SLC2A13: variants seen among roughly 807,000 people sequenced by gnomAD.
SLC2A13 encodes solute carrier family 2 member 13.
Under a neutral mutation model 64.4 loss-of-function variants are expected in SLC2A13, and 32 were observed. That is an observed-to-expected ratio of 0.50 (90% CI 0.37 to 0.67). The LOEUF (loss-of-function observed/expected upper bound fraction) is 0.67, where lower values mean the gene tolerates loss of function less well. Among genes scored for constraint, SLC2A13 ranks in the 30% least tolerant of loss-of-function variants. The probability of loss-of-function intolerance (pLI) is 0.00; values close to 1 mark genes in which losing one functional copy is unlikely to be tolerated. For missense variants in SLC2A13, 743 were observed against 829.2 expected, an observed-to-expected ratio of 0.90 and a Z score of 1.28; for synonymous variants, 338 against 327.1, an observed-to-expected ratio of 1.03 and a Z score of -0.36.
At chr12:39,783,248 A>G (rs1941062524) in intron 7 of SLC2A13, among the ~76,000 whole-genome samples, 1 of 152,044 alleles carries the variant, frequency 6.6e-6, no homozygotes, top group Non-Finnish European at 1.5e-5. Context: ...TATGTGCCAC[A>G]TTTTCTTAAT....
At chr12:39,787,680 G>A (rs1472143515) in intron 7 of SLC2A13, among the ~76,000 whole-genome samples, 2 of 152,116 alleles carry the variant, frequency 1.3e-5, no homozygotes, top group East Asian at 3.9e-4. Flanking sequence ...TGTAACATTA[G>A]GATAAATTTT....
intron 4 of SLC2A13, among the ~76,000 whole-genome samples, chr12:39,931,189 A>G (rs1945820146): frequency 6.6e-6 from 1 of 152,220 alleles, no homozygotes. Context: ...ACTGATACAG[A>G]GAAACAATCT....
At chr12:40,098,919 G>A (rs756157939) in intron 1 of SLC2A13, among the ~76,000 whole-genome samples, 1 of 152,214 alleles carries the variant, frequency 6.6e-6, no homozygotes, top group East Asian at 1.9e-4. Context: ...TCCTCCCAGT[G>A]CAGCGGCAGG....
intron 7 of SLC2A13, among the ~76,000 whole-genome samples, chr12:39,827,967 T>G (rs181922879): frequency 1.3e-5 from 2 of 152,124 alleles, no homozygotes; most frequent in Non-Finnish European, 2.9e-5. Context: ...CTAGAGATAG[T>G]ATATCTCTAG....
chr12:40,094,030 T>C (rs902994565), intron 1 of SLC2A13, among the ~76,000 whole-genome samples: 4 of 151,984 alleles, frequency 2.6e-5, no homozygotes, highest in South Asian at 2.1e-4. Context: ...AAGTGAGAGA[T>C]GGGTGGCATT....
intron 1 of SLC2A13, among the ~76,000 whole-genome samples, chr12:40,084,648 AT>A (rs960541887): frequency 7.9e-5 from 12 of 151,566 alleles, no homozygotes; most frequent in Admixed American, 2.0e-4. Context: ...TTACAGCTTC[AT>A]TTTTTTTTAA....
intron 3 of SLC2A13, among the ~76,000 whole-genome samples, chr12:39,978,738 G>T (rs1484571458): frequency 2.6e-5 from 4 of 152,202 alleles, no homozygotes; most frequent in African/African-American, 7.2e-5. Context: ...CGGCAGCAAG[G>T]CTGGGGGAGA....
At chr12:40,061,764 A>C (rs1267279687) in intron 1 of SLC2A13, among the ~76,000 whole-genome samples, 2 of 151,994 alleles carry the variant, frequency 1.3e-5, no homozygotes, top group Admixed American at 1.3e-4. Context: ...TACAGTTGAC[A>C]TCAAAACCCA....
At chr12:39,980,873 T>A (rs1372971792) in intron 3 of SLC2A13, among the ~76,000 whole-genome samples, 2 of 151,636 alleles carry the variant, frequency 1.3e-5, no homozygotes, top group Non-Finnish European at 3.0e-5. Context: ...GAATATACAT[T>A]TTTTTCAGCA....
intron 1 of SLC2A13, among the ~76,000 whole-genome samples, chr12:40,098,435 C>G (rs1259306581): frequency 6.6e-6 from 1 of 152,184 alleles, no homozygotes; most frequent in African/African-American, 2.4e-5. Context: ...GTGAATATAC[C>G]TAACAATACT....
At chr12:39,889,529 CTTT>C (rs56189217) in intron 4 of SLC2A13, among the ~76,000 whole-genome samples, 19 of 119,852 alleles carry the variant, frequency 1.6e-4, no homozygotes, top group Admixed American at 7.7e-4. Flanking sequence ...GGTAAACAAC[CTTT>C]TTTTTTTTTT....
chr12:39,906,998 A>C (rs1945303351), intron 4 of SLC2A13, among the ~76,000 whole-genome samples: 1 of 152,166 alleles, frequency 6.6e-6, no homozygotes, highest in Non-Finnish European at 1.5e-5. Context: ...GATTTTTTCC[A>C]GTGTATATAG....
At chr12:40,038,489 C>A (rs1264408066) in intron 2 of SLC2A13, among the ~76,000 whole-genome samples, 3 of 151,986 alleles carry the variant, frequency 2.0e-5, no homozygotes, top group African/African-American at 7.3e-5. Flanking sequence ...GCCTATAATG[C>A]CAGCCCAAAG....
Position 39,777,100 on chromosome 12 carries a change from G to A in SLC2A13, c.1446-12242C>T, listed in dbSNP as rs767727354. ...TTTTGGAATCATATTCGGAATCTGC[G>A]TCCTTGTCACTCAAGAAAAAACAAA... On this transcript the variant is annotated intron_variant, in intron 7 of 9. Coordinates refer to ENST00000280871, the MANE Select transcript of SLC2A13 (RefSeq NM_052885.4). Among the ~76,000 whole-genome samples the A allele has an allele frequency of 2.4e-4, 36 of 152,182 alleles. No homozygotes were observed. In the East Asian group the frequency reaches 4.1e-3, roughly 17 times the overall value.
chr12:39,766,355 A>G (rs1940349208), intron 7 of SLC2A13, among the ~76,000 whole-genome samples: 1 of 152,112 alleles, frequency 6.6e-6, no homozygotes, highest in Admixed American at 6.6e-5. Context: ...CAGTCTATTA[A>G]GTGTTCAATA....
chr12:39,919,883 C>T (rs1329234160), intron 4 of SLC2A13, among the ~76,000 whole-genome samples: 4 of 152,034 alleles, frequency 2.6e-5, no homozygotes, highest in African/African-American at 7.3e-5. Context: ...TGCTTACCTC[C>T]GCATTCTTTC....
intron 6 of SLC2A13, among the ~76,000 whole-genome samples, chr12:39,838,679 T>C (rs1943095876): frequency 6.6e-6 from 1 of 152,078 alleles, no homozygotes; most frequent in African/African-American, 2.4e-5. Context: ...GGATGGCCTA[T>C]TTTCATTCAA....
At chr12:39,872,480 T>C (rs1483090861) in intron 4 of SLC2A13, among the ~76,000 whole-genome samples, 1 of 152,140 alleles carries the variant, frequency 6.6e-6, no homozygotes, top group Non-Finnish European at 1.5e-5. Flanking sequence ...TCTAGCATTG[T>C]GTAAAAAGAT....
chr12:39,821,871 C>A lies in SLC2A13; in HGVS notation c.1445+8232G>T, dbSNP rs1229509651. ...ACAATAATACAATCGATCACACGTGCCAAGAATAGAAGATAGTTGAATAAA... is the reference window on the plus strand; with the variant it reads ...ACAATAATACAATCGATCACACGTGACAAGAATAGAAGATAGTTGAATAAA... On this transcript the variant is annotated intron_variant, in intron 7 of 9. Coordinates refer to ENST00000280871, the MANE Select transcript of SLC2A13 (RefSeq NM_052885.4). Among the ~76,000 whole-genome samples the A allele has an allele frequency of 2.6e-4, 39 of 151,730 alleles. 1 individual carries two copies.
Sources: gnomAD v4.1 joint callset for allele counts (sites outside exome capture counted in the v4.1 genomes callset) on GRCh38, gnomAD v4.1.1 for gene constraint, MANE v1.5 for transcripts, NCBI Gene and HGNC (gene_info 2026-07-23, HGNC 2026-07-21) for gene names.